The following ATP11A variants were observed in gnomAD, a reference collection of about 807,000 sequenced individuals.
The protein encoded by ATP11A is phospholipid-transporting ATPase IH.
A neutral mutation model predicts 154.4 loss-of-function variants in ATP11A; 81 were observed. That is an observed-to-expected ratio of 0.52 (90% CI 0.44 to 0.63). ATP11A has a LOEUF of 0.63. ATP11A is among the 30% of genes least tolerant of loss of function. The pLI is 0.00. For synonymous variants in ATP11A, 623 were observed against 585.9 expected (o/e 1.06, Z -0.91); for missense variants, 1,316 against 1,474.3 (o/e 0.89, Z 1.76).
At chr13:112,724,427 TATG>T (rs1889587159) in intron 1 of ATP11A, among the ~76,000 whole-genome samples, 1 of 151,930 alleles carries the variant, frequency 6.6e-6, no homozygotes, top group Non-Finnish European at 1.5e-5. Context: ...ACAAGGGGCT[TATG>T]ATGGTGGGAG....
At chr13:112,814,576 G>A (rs1305825707) in intron 5 of ATP11A, among the ~76,000 whole-genome samples, 1 of 152,124 alleles carries the variant, frequency 6.6e-6, no homozygotes, top group Non-Finnish European at 1.5e-5. Flanking sequence ...TATTTTGCCC[G>A]TGGCTGTCTT....
At chr13:112,761,475 T>G (rs539556413) in intron 1 of ATP11A, among the ~76,000 whole-genome samples, 5 of 152,352 alleles carry the variant, frequency 3.3e-5, no homozygotes, top group African/African-American at 1.2e-4. Flanking sequence ...ATTTATAAAT[T>G]AAACTTTATC....
chr13:112,874,029 C>T (rs1364723633), intron 27 of ATP11A, among the ~76,000 whole-genome samples: 1 of 152,230 alleles, frequency 6.6e-6, no homozygotes, highest in Non-Finnish European at 1.5e-5. Flanking sequence ...GGAAGAAGAG[C>T]GCCATCATCA....
chr13:112,872,889 C>A (rs72485687), intron 26 of ATP11A, among the ~76,000 whole-genome samples: 1 of 3,594 alleles, frequency 2.8e-4, no homozygotes, highest in African/African-American at 4.2e-4. Flanking sequence ...GTCTCCCGAA[C>A]GGTGTGAGGT....
rs542110149 is a variant in ATP11A at position 112,813,908 on chromosome 13, GCTT to G, written c.442-2171_442-2169del. 1.2e-3 allele frequency among the ~76,000 whole-genome samples: 180 copies of G among 152,022 alleles called. 3 individuals carry two copies. Among genetic ancestry groups the G allele is most frequent in the East Asian group, 7.7e-4 (4 of 5,176 alleles). ...CCATTTTTCTAGCTGGATTCTTTGA[GCTT>G]CTTTTTACTGTTAAATGTTGAGAGG... On this transcript the variant is annotated intron_variant, in intron 5 of 29. Transcript: ENST00000375645.
In ATP11A at chr13:112,810,694, A is replaced by G. The variant is rs1315270618; in HGVS notation, c.409A>G (p.Lys137Glu). The part of the protein sequence containing the change: ...QCPVHFIQHG[K>E]LVRKQSRKLR... ...TCCTGTTCATTTCATTCAGCACGGC[A>G]AGCTCGTTCGGAAACAAAGTCGAAA... The change falls in exon 5 of 30, where the codon AAG (lysine) becomes GAG (glutamate). Residue 137 changes from lysine to glutamate, a missense_variant. Physicochemically the swap from Lys to Glu is moderately conservative, Grantham distance 56. This residue lies in a region of ATP11A where 876 missense variants were observed against 1,006.8 expected (regional missense o/e 0.87). Transcript: ENST00000375645. The G allele has an allele frequency of 6.2e-7, 1 of 1,614,082 alleles. No individual in the cohort carries two copies. Among genetic ancestry groups the G allele is most frequent in the Non-Finnish European group, 8.5e-7 (1 of 1,180,032 alleles).
At chr13:112,808,987 G>A (rs769618552) in intron 4 of ATP11A, among the ~76,000 whole-genome samples, 11 of 152,216 alleles carry the variant, frequency 7.2e-5, no homozygotes, top group African/African-American at 1.9e-4. Flanking sequence ...CAGCCCGGGC[G>A]CTAGGCTTTT....
chr13:112,871,853 T>G (rs555535552), intron 26 of ATP11A, 53 bp downstream of exon 26: 60 of 1,532,390 alleles, frequency 3.9e-5, no homozygotes, highest in Admixed American at 1.8e-4. Context: ...ACCCCTGCAG[T>G]GTAGGCCTCA....
chr13:112,846,186 A>G (rs965142994), intron 17 of ATP11A, among the ~76,000 whole-genome samples: 2 of 151,932 alleles, frequency 1.3e-5, no homozygotes, highest in Admixed American at 1.3e-4. Flanking sequence ...AGCATCTCGG[A>G]TCTGCGGCGT....
chr13:112,789,665 T>G (rs961973014), intron 2 of ATP11A, among the ~76,000 whole-genome samples: 2 of 151,066 alleles, frequency 1.3e-5, no homozygotes. Flanking sequence ...GAGACCTACT[T>G]AATTCACACC....
chr13:112,864,395 G>A (rs368212590), intron 25 of ATP11A, among the ~76,000 whole-genome samples: 1 of 113,052 alleles, frequency 8.8e-6, no homozygotes, highest in Non-Finnish European at 1.9e-5. Context: ...ATAATTCAGC[G>A]TAGCGCGTGC....
chr13:112,725,808 G>A (rs1889793048), intron 1 of ATP11A, among the ~76,000 whole-genome samples: 1 of 152,230 alleles, frequency 6.6e-6, no homozygotes, highest in Non-Finnish European at 1.5e-5. Flanking sequence ...AGGAAGCTGA[G>A]GTTTGGAACA....
chr13:112,716,046 C>T (rs577749181), intron 1 of ATP11A, among the ~76,000 whole-genome samples: 1 of 152,214 alleles, frequency 6.6e-6, no homozygotes, highest in East Asian at 1.9e-4. Context: ...GGGGTGGCTC[C>T]TGCCTGGACT....
intron 21 of ATP11A, 105 bp downstream of exon 21, chr13:112,858,025 C>T: frequency 6.4e-7 from 1 of 1,558,016 alleles, no homozygotes; most frequent in Non-Finnish European, 8.8e-7. Flanking sequence ...CCCCCGTCAC[C>T]ACCCTCGTGT....
Position 112,823,330 on chromosome 13 carries a change from A to G in ATP11A, c.726-15A>G, listed in dbSNP as rs372760786. ...CTTCGTGTCCGCATCATTTCTGATC[A>G]TCGTATCTTTACAGGCCCTTAGGAT... is the stretch of plus-strand genomic sequence containing the variant. On this transcript the variant is annotated splice_polypyrimidine_tract_variant and intron_variant, in intron 8 of 29. Transcript: ENST00000375645. 1.4e-5 allele frequency: 22 copies of G among 1,611,784 alleles called. No homozygotes were observed. Among genetic ancestry groups the G allele is most frequent in the Non-Finnish European group, 1.7e-5 (20 of 1,178,156 alleles).
intron 1 of ATP11A, among the ~76,000 whole-genome samples, chr13:112,757,557 T>A (rs1308233166): frequency 6.6e-6 from 1 of 152,214 alleles, no homozygotes; most frequent in Non-Finnish European, 1.5e-5. Flanking sequence ...GAGAACTGAT[T>A]TGAATCGGGA....
intron 1 of ATP11A, among the ~76,000 whole-genome samples, chr13:112,752,416 G>A (rs952006472): frequency 4.6e-5 from 7 of 152,308 alleles, no homozygotes; most frequent in African/African-American, 1.7e-4. Context: ...GGTGGAGAGT[G>A]CAGCTCAGGA....
intron 25 of ATP11A, among the ~76,000 whole-genome samples, chr13:112,864,358 C>T (rs368114538): frequency 2.9e-5 from 3 of 104,374 alleles, no homozygotes; most frequent in East Asian, 3.3e-4. Context: ...ATGCAGCTTC[C>T]CAGCGGGGAT....
At chr13:112,789,485 C>CG (rs1396576214) in intron 2 of ATP11A, among the ~76,000 whole-genome samples, 1 of 147,868 alleles carries the variant, frequency 6.8e-6, no homozygotes, top group East Asian at 2.0e-4. Context: ...TAATTCACAC[C>CG]AGTGTCCTGA....
Sources: allele counts gnomAD v4.1 joint callset (sites outside exome capture counted in the v4.1 genomes callset), GRCh38; gene constraint gnomAD v4.1.1; regional missense constraint gnomAD v4.1.1; transcripts MANE v1.5; gene names NCBI Gene and HGNC (gene_info 2026-07-23, HGNC 2026-07-21).